Variants in ZNF264 observed in about 807,000 individuals in gnomAD.
The protein encoded by ZNF264 is zinc finger protein 264.
Under a neutral mutation model 11.2 loss-of-function variants are expected in ZNF264, and 11 were observed. The ratio of observed to expected loss-of-function variants is 0.98; its 90% CI spans 0.62 to 1.63. The LOEUF is 1.63. ZNF264 is among the 40% of genes most tolerant of loss of function. ZNF264 has a pLI of 0.00. For synonymous variants in ZNF264, 309 were observed against 279.8 expected (o/e 1.10, Z -1.04); for missense variants, 752 against 768.1 (o/e 0.98, Z 0.25).
In ZNF264 at chr19:57,222,578, CACACACACAT is replaced by C. The variant is rs897735024; in HGVS notation, c.*9599_*9608del. On this transcript the variant is annotated 3_prime_UTR_variant, in exon 4 of 4. Coordinates refer to ENST00000263095, the MANE Select transcript of ZNF264 (RefSeq NM_003417.5). ...TATGGACCACTTCAAGCTACACACA[CACACACACAT>C]ATACACGTGTATGAATATATATATA... The C allele has an allele frequency of 7.3e-5, 11 of 151,576 alleles. No homozygotes were observed. The highest frequency in any genetic ancestry group is 2.4e-4 in the African/African-American group (10 of 41,118). 9.4% of individuals were successfully genotyped at this position (151,576 alleles called of 1,614,324 possible).
At chr19:57,203,722 C>A (rs1245618896) in intron 2 of ZNF264, among the ~76,000 whole-genome samples, 1 of 152,128 alleles carries the variant, frequency 6.6e-6, no homozygotes, top group Non-Finnish European at 1.5e-5. Context: ...AATCACTGAA[C>A]CTGCCCCTCC....
chr19:57,193,424 G>C, intron 1 of ZNF264: 1 of 826,520 alleles, frequency 1.2e-6, no homozygotes, highest in South Asian at 5.5e-5. Flanking sequence ...TTTGAGGTAA[G>C]AGCTGTCAAG....
Position 57,211,419 on chromosome 19 carries a change from T to C in ZNF264, c.322T>C (p.Ser108Pro). The C allele has an allele frequency of 6.2e-7, 1 of 1,614,122 alleles. No homozygotes were observed. The highest frequency in any genetic ancestry group is 8.5e-7 in the Non-Finnish European group (1 of 1,180,034). The change falls in exon 4 of 4, where the codon TCA (serine) becomes CCA (proline). Residue 108 changes from serine (S) to proline (P), a missense_variant. By Grantham distance (74) the Ser-to-Pro change is moderately conservative (BLOSUM62 -1). Coordinates refer to ENST00000263095, the MANE Select transcript of ZNF264 (RefSeq NM_003417.5). The part of the protein sequence containing the change: ...TCEPALSEGI[S>P]LQGQVTQGNS... ...TGAGCCAGCCTTGTCAGAGGGAATC[T>C]CACTTCAGGGACAAGTGACACAAGG...
Position 57,220,789 on chromosome 19 carries a change from A to G in ZNF264, c.*7808A>G, listed in dbSNP as rs948086154. 1.3e-5 allele frequency: 2 copies of G among 151,698 alleles called. No homozygotes were observed. Among genetic ancestry groups the G allele is most frequent in the African/African-American group, 4.9e-5 (2 of 41,218 alleles). The allele number at this position is 151,698 out of a possible 1,614,324, so 9.4% of individuals were successfully genotyped here. A position where few individuals can be genotyped will look rare whatever the true frequency, so the allele number is the denominator to read the frequency against. ...CTCCCAAGTAGCTGGGATTACAGGCATGGGCCACCATGCCCGGCTAATTTT... is the reference window on the plus strand; with the variant it reads ...CTCCCAAGTAGCTGGGATTACAGGCGTGGGCCACCATGCCCGGCTAATTTT... On this transcript the variant is annotated 3_prime_UTR_variant, in exon 4 of 4. Coordinates refer to ENST00000263095, the MANE Select transcript of ZNF264 (RefSeq NM_003417.5).
chr19:57,211,351 C>G lies in ZNF264; in HGVS notation c.257-3C>G. On this transcript the variant is annotated splice_polypyrimidine_tract_variant and splice_region_variant and intron_variant, in intron 3 of 3. Coordinates refer to ENST00000263095, the MANE Select transcript of ZNF264 (RefSeq NM_003417.5). The stretch of plus-strand genomic sequence containing the variant: ...GCCCTTTTGTGTGCTGGATTTCTTT[C>G]AGGCGACAAAGGAAAACCTAAGACC... 1 of 1,585,194 alleles carries G rather than the reference C, an allele frequency of 6.3e-7. No individual in the cohort carries two copies. The highest frequency in any genetic ancestry group is 2.2e-5 in the East Asian group (1 of 44,468).
chr19:57,203,212 A>G (rs1474434948), intron 2 of ZNF264, among the ~76,000 whole-genome samples: 2 of 152,102 alleles, frequency 1.3e-5, no homozygotes, highest in Non-Finnish European at 2.9e-5. Flanking sequence ...GACTATCTCT[A>G]GTTGTCTGGC....
intron 2 of ZNF264, among the ~76,000 whole-genome samples, chr19:57,199,595 C>T (rs1411130480): frequency 6.6e-6 from 1 of 151,884 alleles, no homozygotes; most frequent in Non-Finnish European, 1.5e-5. Context: ...TCAATAAATT[C>T]AGCCTGATGC....
At chr19:57,195,879 C>T (rs1342561816) in intron 2 of ZNF264, among the ~76,000 whole-genome samples, 1 of 151,732 alleles carries the variant, frequency 6.6e-6, no homozygotes, top group African/African-American at 2.4e-5. Context: ...TCTAGGCCAA[C>T]GGAATGTAAT....
intron 1 of ZNF264, chr19:57,192,515 C>T (rs537107507): frequency 6.1e-6 from 6 of 985,238 alleles, no homozygotes; most frequent in African/African-American, 1.7e-5. Context: ...CCCAAAGTAT[C>T]CTGGCGTCAG....
intron 3 of ZNF264, among the ~76,000 whole-genome samples, chr19:57,209,466 T>C (rs1317567632): frequency 6.6e-6 from 1 of 152,218 alleles, no homozygotes; most frequent in East Asian, 1.9e-4. Flanking sequence ...ATTTATATAA[T>C]TTGGGTCGAA....
chr19:57,206,829 C>T (rs932019535), intron 3 of ZNF264, among the ~76,000 whole-genome samples: 2 of 145,396 alleles, frequency 1.4e-5, no homozygotes, highest in Non-Finnish European at 3.0e-5. Context: ...CCCATGTCTT[C>T]CTATATCTCC....
chr19:57,212,854 G>A lies in ZNF264; in HGVS notation c.1757G>A (p.Arg586Gln), dbSNP rs779056012. The change falls in exon 4 of 4, where the codon CGA becomes CAA. Residue 586 changes from arginine (R) to glutamine (Q), a missense_variant. Coordinates refer to ENST00000263095, the MANE Select transcript of ZNF264 (RefSeq NM_003417.5). ...AGTGGACAAACCTCAGTTACCCTTC[G>A]AGAACTTCTTTTAGGGAAGGACTTT... is the stretch of plus-strand genomic sequence containing the variant. Reference protein sequence around the residue: ...FTSGQTSVTLRELLLGKDFLN... With the variant: ...FTSGQTSVTLQELLLGKDFLN... 1.9e-5 allele frequency: 31 copies of A among 1,614,050 alleles called. No homozygotes were observed. Among genetic ancestry groups the A allele is most frequent in the Middle Eastern group, 3.3e-4 (2 of 6,084 alleles).
intron 1 of ZNF264, among the ~76,000 whole-genome samples, 193 bp downstream of exon 1, chr19:57,192,139 G>A (rs1270737208): frequency 6.6e-6 from 1 of 152,152 alleles, no homozygotes; most frequent in Non-Finnish European, 1.5e-5. Context: ...AGCTCCGTAG[G>A]TTGTTGAGTG....
Position 57,216,362 on chromosome 19 carries a change from C to CAAA in ZNF264, c.*3384_*3386dup, listed in dbSNP as rs1178902837. On this transcript the variant is annotated 3_prime_UTR_variant, in exon 4 of 4. Coordinates refer to ENST00000263095, the MANE Select transcript of ZNF264 (RefSeq NM_003417.5). ...CGAGACTCTGTCTCAACAACAACAA[C>CAAA]AAAAAGTCCTGAACATGATTGTGGA... The CAAA allele has an allele frequency of 4.6e-5, 7 of 152,200 alleles. No homozygotes were observed. The highest frequency in any genetic ancestry group is 1.0e-4 in the Non-Finnish European group (7 of 68,060). 9.4% of individuals were successfully genotyped at this position (152,200 alleles called of 1,614,324 possible).
Position 57,205,248 on chromosome 19 carries a change from T to C in ZNF264, c.161-149T>C. ...TTTATGTAATTATGGAAACCTTGGT[T>C]TCCAGGTCACATGCCAGCTTTTCAT... On this transcript the variant is annotated intron_variant, in intron 2 of 3. Coordinates refer to ENST00000263095, the MANE Select transcript of ZNF264 (RefSeq NM_003417.5). 1.2e-5 allele frequency: 8 copies of C among 675,028 alleles called. No homozygotes were observed. In the South Asian group the frequency reaches 1.3e-4, roughly 11 times the overall value. 41.8% of individuals were successfully genotyped at this position (675,028 alleles called of 1,614,324 possible).
In ZNF264 at chr19:57,193,417, G is replaced by A. The variant is rs145302738; in HGVS notation, c.34-458G>A. On this transcript the variant is annotated intron_variant, in intron 1 of 3. Coordinates refer to ENST00000263095, the MANE Select transcript of ZNF264 (RefSeq NM_003417.5). ...CTCAGAGAAATGAAATGCTGTCTTT[G>A]AGGTAAGAGCTGTCAAGTGTCAGTT... 1.3e-4 allele frequency: 98 copies of A among 761,610 alleles called. No homozygotes were observed. In the East Asian group the frequency reaches 0.011, roughly 84 times the overall value. 47.2% of individuals were successfully genotyped at this position (761,610 alleles called of 1,614,324 possible).
intron 1 of ZNF264, chr19:57,193,575 C>G (rs1425763262): frequency 5.0e-5 from 49 of 972,412 alleles, no homozygotes; most frequent in Non-Finnish European, 5.9e-5. Flanking sequence ...CTATTATTAC[C>G]ATTTCCCCAT....
chr19:57,208,239 A>G (rs1054703238), intron 3 of ZNF264, among the ~76,000 whole-genome samples: 3 of 152,068 alleles, frequency 2.0e-5, no homozygotes, highest in African/African-American at 7.2e-5. Context: ...TTCATTTACT[A>G]TGTGGGCATT....
Position 57,218,678 on chromosome 19 carries a change from GT to G in ZNF264, c.*5698del, listed in dbSNP as rs1325657268. 3 of 151,888 alleles carry G rather than the reference GT, an allele frequency of 2.0e-5. No individual in the cohort carries two copies. The highest frequency in any genetic ancestry group is 7.3e-5 in the African/African-American group (3 of 41,322). The allele number at this position is 151,888 out of a possible 1,614,324, so 9.4% of individuals were successfully genotyped here. On this transcript the variant is annotated 3_prime_UTR_variant, in exon 4 of 4. Transcript: ENST00000263095. Reference sequence around the variant, plus strand: ...TTTTTCTTTTTCCAGTCTATTTTCTGTCTTGTTAATATTGATTAATTTTTAT... The same window carrying G: ...TTTTTCTTTTTCCAGTCTATTTTCTGCTTGTTAATATTGATTAATTTTTAT...
Sources: allele counts gnomAD v4.1 joint callset (sites outside exome capture counted in the v4.1 genomes callset), GRCh38; gene constraint gnomAD v4.1.1; transcripts MANE v1.5; gene names NCBI Gene and HGNC (gene_info 2026-07-23, HGNC 2026-07-21).